Variants in IL1RAPL1 observed in about 807,000 individuals in gnomAD.
IL1RAPL1 encodes the protein interleukin 1 receptor accessory protein like 1, also known as interleukin-1 receptor accessory protein-like 1.
Under a neutral mutation model 48.4 loss-of-function variants are expected in IL1RAPL1, and 3 were observed. That is an observed-to-expected ratio of 0.06 (90% CI 0.03 to 0.16). The LOEUF (loss-of-function observed/expected upper bound fraction) is 0.16. Ranked by LOEUF, IL1RAPL1 falls within the 10% of genes least tolerant of loss-of-function variation. The probability of loss-of-function intolerance (pLI) is 1.00; values close to 1 mark genes in which losing one functional copy is unlikely to be tolerated. For missense variants in IL1RAPL1, 349 were observed against 530.6 expected (o/e 0.66, Z 3.36); for synonymous variants, 185 against 187.7 (o/e 0.99, Z 0.12).
At chrX:28,666,797 A>C (rs1023291446) in intron 1 of IL1RAPL1, among the ~76,000 whole-genome samples, 1 of 112,126 alleles carries the variant, frequency 8.9e-6, no homozygotes, top group African/African-American at 3.2e-5. Flanking sequence ...CTATATAAAC[A>C]TAACAAATTG....
At chrX:29,540,290 CAA>C (rs1235323071) in intron 5 of IL1RAPL1, among the ~76,000 whole-genome samples, 1 of 109,996 alleles carries the variant, frequency 9.1e-6, no homozygotes, top group African/African-American at 3.3e-5. Context: ...ATGTCACAAA[CAA>C]GTGGTGAAAC....
intron 5 of IL1RAPL1, among the ~76,000 whole-genome samples, chrX:29,654,563 G>A (rs1378653529): frequency 9.0e-6 from 1 of 111,642 alleles, no homozygotes; most frequent in Non-Finnish European, 1.9e-5. Context: ...TAGATGTCGT[G>A]AGACTTATTC....
At chrX:28,844,144 T>C (rs909984586) in intron 2 of IL1RAPL1, among the ~76,000 whole-genome samples, 6 of 107,453 alleles carry the variant, frequency 5.6e-5, no homozygotes, top group African/African-American at 2.0e-4. Context: ...CTCCCCCTTT[T>C]TGAATGGCAT....
intron 6 of IL1RAPL1, among the ~76,000 whole-genome samples, chrX:29,797,760 C>G (rs1444957008): frequency 9.0e-6 from 1 of 111,281 alleles, no homozygotes; most frequent in African/African-American, 3.3e-5. Context: ...GTAATCCCAG[C>G]TTCTTGGGAG....
chrX:29,371,855 A>G lies in IL1RAPL1; in HGVS notation c.363-24403A>G, dbSNP rs530898032. On this transcript the variant is annotated intron_variant, in intron 3 of 10. Coordinates refer to ENST00000378993, the MANE Select transcript of IL1RAPL1 (RefSeq NM_014271.4). ...CCAATCCACCATTGATGGGCACCTA[A>G]GTTGATTCCATGTCTTTGCTATTGT... Among the ~76,000 whole-genome samples, 3 of 112,189 alleles carry G rather than the reference A, an allele frequency of 2.7e-5. No individual in the cohort carries two copies. The East Asian group carries it at 8.4e-4, about 31-fold the overall frequency.
chrX:29,103,120 C>G (rs186934312), intron 2 of IL1RAPL1, among the ~76,000 whole-genome samples: 3 of 111,654 alleles, frequency 2.7e-5, no homozygotes, highest in Admixed American at 1.9e-4. Context: ...ATAGAAAAAG[C>G]AATCCAAGAA....
Position 29,010,471 on chromosome X carries a change from G to A in IL1RAPL1, c.82+221046G>A, listed in dbSNP as rs903830311. Reference sequence around the variant, plus strand: ...TCATGAAGGGATGTTGAATTTCATCGAAAGCTTTTTCCATGTCTCTTGAGA... The same window carrying A: ...TCATGAAGGGATGTTGAATTTCATCAAAAGCTTTTTCCATGTCTCTTGAGA... On this transcript the variant is annotated intron_variant, in intron 2 of 10. Transcript: ENST00000378993. Among the ~76,000 whole-genome samples the A allele has an allele frequency of 8.1e-5, 9 of 111,561 alleles. No homozygotes were observed. The East Asian group carries it at 8.4e-4, about 10-fold the overall frequency.
intron 9 of IL1RAPL1, among the ~76,000 whole-genome samples, chrX:29,950,834 G>A (rs1196492995): frequency 8.2e-5 from 9 of 109,821 alleles, no homozygotes; most frequent in Admixed American, 4.8e-4. Flanking sequence ...CCGCAACCAC[G>A]CCTGGCTAAA....
intron 6 of IL1RAPL1, among the ~76,000 whole-genome samples, chrX:29,732,295 AC>A (rs1457860810): frequency 8.1e-5 from 9 of 111,359 alleles, no homozygotes; most frequent in Non-Finnish European, 1.7e-4. Context: ...ACTGTACCCC[AC>A]CCCCGCACTT....
chrX:28,864,593 A>G (rs1922032495), intron 2 of IL1RAPL1, among the ~76,000 whole-genome samples: 1 of 111,556 alleles, frequency 9.0e-6, no homozygotes, highest in Non-Finnish European at 1.9e-5. Flanking sequence ...TTCTAAATGA[A>G]GTGAGAGAGC....
chrX:29,799,274 A>C (rs1469401514), intron 6 of IL1RAPL1, among the ~76,000 whole-genome samples: 1 of 112,454 alleles, frequency 8.9e-6, no homozygotes, highest in Non-Finnish European at 1.9e-5. Context: ...TGAATTGAAT[A>C]GCCATAAGAG....
intron 5 of IL1RAPL1, among the ~76,000 whole-genome samples, chrX:29,656,150 T>C (rs1274757863): frequency 8.8e-6 from 1 of 113,230 alleles, no homozygotes; most frequent in Non-Finnish European, 1.9e-5. Context: ...AAATGGTTTT[T>C]AGGCTAACTT....
At chrX:29,771,472 G>A (rs1239446802) in intron 6 of IL1RAPL1, among the ~76,000 whole-genome samples, 1 of 112,042 alleles carries the variant, frequency 8.9e-6, no homozygotes, top group African/African-American at 3.2e-5. Flanking sequence ...ATTACTGGAA[G>A]GAAAGTATGA....
intron 3 of IL1RAPL1, among the ~76,000 whole-genome samples, chrX:29,381,827 AAAAAAAATATATATATATAT>A (rs1382628111): frequency 1.7e-3 from 61 of 36,154 alleles, no homozygotes; most frequent in African/African-American, 3.4e-3. Flanking sequence ...AAAAAAAAAA[AAAAAAAATATATATATATAT>A]ATATATATAT....
chrX:29,414,359 A>G (rs1181538188), intron 5 of IL1RAPL1, among the ~76,000 whole-genome samples: 1 of 112,179 alleles, frequency 8.9e-6, no homozygotes, highest in Non-Finnish European at 1.9e-5. Flanking sequence ...TATCTTATAT[A>G]TCTTACCACA....
intron 2 of IL1RAPL1, among the ~76,000 whole-genome samples, chrX:29,239,919 A>T (rs1178062567): frequency 9.2e-6 from 1 of 108,297 alleles, no homozygotes; most frequent in Non-Finnish European, 1.9e-5. Context: ...CATTTTTCTC[A>T]TCCTTCTTCA....
At chrX:29,350,124 T>C (rs1448444716) in intron 3 of IL1RAPL1, among the ~76,000 whole-genome samples, 1 of 98,913 alleles carries the variant, frequency 1.0e-5, no homozygotes, top group African/African-American at 3.9e-5. Flanking sequence ...GTCATATCAC[T>C]GTCTTTGGTC....
Position 28,904,166 on chromosome X carries a change from C to T in IL1RAPL1, c.82+114741C>T, listed in dbSNP as rs181331167. On this transcript the variant is annotated intron_variant, in intron 2 of 10. Transcript: ENST00000378993. ...TACCATTAGTAGGTACCAAGTACTA[C>T]TCTAGGAGATTTATAAAAATTAAAT... Among the ~76,000 whole-genome samples the T allele has an allele frequency of 5.4e-5, 6 of 110,834 alleles. No individual in the cohort carries two copies. In the East Asian group the frequency reaches 1.4e-3, roughly 26 times the overall value.
rs189441305 is a variant in IL1RAPL1 at position 29,740,798 on chromosome X, A to G, written c.778+72294A>G. On this transcript the variant is annotated intron_variant, in intron 6 of 10. Transcript: ENST00000378993. The stretch of plus-strand genomic sequence containing the variant: ...CTAAATTAAATTGATGTATAACACC[A>G]TTCAAAAGTTATTTCTTTCAGCTTC... Among the ~76,000 whole-genome samples, 34 of 112,259 alleles carry G rather than the reference A, an allele frequency of 3.0e-4. No individual in the cohort carries two copies. In the East Asian group the frequency reaches 9.5e-3, roughly 31 times the overall value.
Sources: gnomAD v4.1 joint callset for allele counts (sites outside exome capture counted in the v4.1 genomes callset) on GRCh38, gnomAD v4.1.1 for gene constraint, MANE v1.5 for transcripts, NCBI Gene and HGNC (gene_info 2026-07-23, HGNC 2026-07-21) for gene names.